Variants in RALYL observed in about 807,000 individuals in gnomAD.
The protein encoded by RALYL is RNA-binding Raly-like protein.
RALYL carries 29 observed loss-of-function variants against 35.1 expected under a neutral mutation model. The observed-to-expected ratio is 0.83, with a 90% CI of 0.61 to 1.13. The LOEUF (loss-of-function observed/expected upper bound fraction) is 1.13, where lower values mean the gene tolerates loss of function less well. Among genes scored for constraint, RALYL ranks in the 50% most tolerant of loss-of-function variants. The pLI is 0.00. For synonymous variants in RALYL, 120 were observed against 127.6 expected, an observed-to-expected ratio of 0.94 and a Z score of 0.40; for missense variants, 359 against 360.4, an observed-to-expected ratio of 1.00 and a Z score of 0.03.
chr8:84,710,543 C>A (rs1419272052), intron 2 of RALYL, among the ~76,000 whole-genome samples: 2 of 152,120 alleles, frequency 1.3e-5, no homozygotes, highest in East Asian at 3.9e-4. Flanking sequence ...CTCAGGTGAT[C>A]TGCCTGCCTT....
At chr8:84,263,125 A>G (rs1832627115) in intron 1 of RALYL, among the ~76,000 whole-genome samples, 1 of 152,190 alleles carries the variant, frequency 6.6e-6, no homozygotes, top group South Asian at 2.1e-4. Flanking sequence ...ATGCAAATAA[A>G]ATAAAGATTA....
chr8:84,259,914 C>G (rs1831933098), intron 1 of RALYL, among the ~76,000 whole-genome samples: 1 of 152,110 alleles, frequency 6.6e-6, no homozygotes, highest in African/African-American at 2.4e-5. Flanking sequence ...CAGGCTGTTG[C>G]AATTTGCTCA....
intron 1 of RALYL, among the ~76,000 whole-genome samples, chr8:84,359,215 T>C (rs1156293869): frequency 2.0e-5 from 3 of 147,766 alleles, no homozygotes; most frequent in East Asian, 2.0e-4. Context: ...CTTTGAACTA[T>C]AGGTATTTAA....
In RALYL at chr8:84,532,223, TTTTG is replaced by T. The variant is rs899522046; in HGVS notation, c.256+2662_256+2665del. On this transcript the variant is annotated intron_variant, in intron 2 of 8. Transcript: ENST00000521268. ...AGTGCTTGAATATACCCAGCGGTTT[TTTTG>T]TTTGTTTGTTTGTTTTTTACTATGT... 4.1e-4 allele frequency among the ~76,000 whole-genome samples: 63 copies of T among 152,158 alleles called. 1 individual carries two copies. Among genetic ancestry groups the T allele is most frequent in the Middle Eastern group, 3.4e-3 (1 of 294 alleles).
Position 84,477,946 on chromosome 8 carries a change from G to T in RALYL, c.-23-51353G>T, listed in dbSNP as rs187030127. ...CTCCTTTTTTAATAGATAAGAAATA[G>T]TTTTCATTAATTTTTAATGTCCCTA... On this transcript the variant is annotated intron_variant, in intron 1 of 8. Coordinates refer to ENST00000521268, the MANE Select transcript of RALYL (RefSeq NM_173848.7). Among the ~76,000 whole-genome samples, 589 of 152,038 alleles carry T rather than the reference G, an allele frequency of 3.9e-3. 1 individual carries two copies. The highest frequency in any genetic ancestry group is 5.6e-3 in the Non-Finnish European group (380 of 67,892).
chr8:84,245,505 G>T (rs538517118), intron 1 of RALYL, among the ~76,000 whole-genome samples: 1 of 152,184 alleles, frequency 6.6e-6, no homozygotes, highest in Non-Finnish European at 1.5e-5. Flanking sequence ...TTGATTCAGA[G>T]AAGACTTCAA....
intron 2 of RALYL, among the ~76,000 whole-genome samples, chr8:84,735,530 C>G (rs1847094798): frequency 6.6e-6 from 1 of 151,998 alleles, no homozygotes; most frequent in Admixed American, 6.6e-5. Context: ...TGAGCCTCAA[C>G]TGAAGTTCAT....
intron 1 of RALYL, among the ~76,000 whole-genome samples, chr8:84,299,799 A>T (rs1279779021): frequency 6.6e-6 from 1 of 151,574 alleles, no homozygotes; most frequent in African/African-American, 2.4e-5. Context: ...TGTTTCTGAG[A>T]CATCAGTGGT....
intron 1 of RALYL, among the ~76,000 whole-genome samples, chr8:84,241,927 T>C (rs1458293521): frequency 6.6e-6 from 1 of 152,148 alleles, no homozygotes; most frequent in Non-Finnish European, 1.5e-5. Context: ...CATGGTGGTT[T>C]GTTGCACAGA....
chr8:84,374,669 C>T (rs1329332002), intron 1 of RALYL, among the ~76,000 whole-genome samples: 1 of 151,708 alleles, frequency 6.6e-6, no homozygotes, highest in Non-Finnish European at 1.5e-5. Context: ...AGAACTCATG[C>T]ACACAAAAAG....
chr8:84,275,840 G>C (rs191511069), intron 1 of RALYL, among the ~76,000 whole-genome samples: 2 of 152,152 alleles, frequency 1.3e-5, no homozygotes, highest in East Asian at 3.9e-4. Flanking sequence ...TTCTTAGCAA[G>C]ATCTTTACAA....
intron 3 of RALYL, among the ~76,000 whole-genome samples, chr8:84,784,948 A>G (rs750848427): frequency 6.6e-6 from 1 of 152,176 alleles, no homozygotes; most frequent in Non-Finnish European, 1.5e-5. Context: ...TTTTATTGGT[A>G]TTTCCAAATA....
chr8:84,884,867 T>C (rs1842716453), intron 7 of RALYL, among the ~76,000 whole-genome samples: 1 of 152,098 alleles, frequency 6.6e-6, no homozygotes, highest in African/African-American at 2.4e-5. Context: ...TAGGGCATTT[T>C]GAACAAGCGG....
At chr8:84,521,970 A>G (rs2058494789) in intron 1 of RALYL, among the ~76,000 whole-genome samples, 1 of 152,148 alleles carries the variant, frequency 6.6e-6, no homozygotes, top group Admixed American at 6.5e-5. Context: ...TCTAACAAAA[A>G]TTAATGCATT....
At chr8:84,884,490 T>C (rs1277252443) in intron 7 of RALYL, among the ~76,000 whole-genome samples, 9 of 143,352 alleles carry the variant, frequency 6.3e-5, no homozygotes, top group African/African-American at 2.2e-4. Flanking sequence ...AAATTATATA[T>C]ACATATACAC....
At chr8:84,535,115 A>G (rs1340163483) in intron 2 of RALYL, among the ~76,000 whole-genome samples, 2 of 152,178 alleles carry the variant, frequency 1.3e-5, no homozygotes, top group African/African-American at 4.8e-5. Context: ...TTTCATGCAC[A>G]TATTATCTTC....
chr8:84,474,342 T>C (rs930631058), intron 1 of RALYL, among the ~76,000 whole-genome samples: 4 of 152,192 alleles, frequency 2.6e-5, no homozygotes, highest in Admixed American at 6.5e-5. Context: ...AATATGGAAA[T>C]CTTTCGAGTT....
At chr8:84,559,309 A>G (rs1174869647) in intron 2 of RALYL, among the ~76,000 whole-genome samples, 4 of 152,092 alleles carry the variant, frequency 2.6e-5, no homozygotes, top group Admixed American at 2.6e-4. Flanking sequence ...AAATAATTAT[A>G]CTTAGGGAAG....
chr8:84,888,950 A>AT (rs2135437067), intron 8 of RALYL, among the ~76,000 whole-genome samples: 1 of 152,248 alleles, frequency 6.6e-6, no homozygotes, highest in Admixed American at 6.5e-5. Context: ...CGGTTTCACC[A>AT]TGTTGGCCAG....
Sources: allele counts gnomAD v4.1 joint callset (sites outside exome capture counted in the v4.1 genomes callset), GRCh38; gene constraint gnomAD v4.1.1; transcripts MANE v1.5; gene names NCBI Gene and HGNC (gene_info 2026-07-23, HGNC 2026-07-21).